ZNF510: variants seen among roughly 807,000 people sequenced by gnomAD.
ZNF510 encodes zinc finger protein 510.
ZNF510 carries 15 observed loss-of-function variants against 18.1 expected under a neutral mutation model. The ratio of observed to expected loss-of-function variants is 0.83; its 90% CI spans 0.55 to 1.28. The LOEUF (loss-of-function observed/expected upper bound fraction) is 1.28, where lower values mean the gene tolerates loss of function less well. ZNF510 is among the 50% of genes most tolerant of loss of function. ZNF510 has a pLI of 0.00. For missense variants in ZNF510, 724 were observed against 791.8 expected (o/e 0.91, Z 1.03); for synonymous variants, 261 against 266.4 (o/e 0.98, Z 0.20).
intron 2 of ZNF510, among the ~76,000 whole-genome samples, chr9:96,775,573 C>T (rs1448861481): frequency 1.3e-5 from 2 of 152,154 alleles, no homozygotes; most frequent in South Asian, 2.1e-4. Flanking sequence ...AAAAGACTTT[C>T]GATAAGACAC....
At chr9:96,770,764 C>T (rs1463289711) in intron 3 of ZNF510, among the ~76,000 whole-genome samples, 2 of 135,786 alleles carry the variant, frequency 1.5e-5, no homozygotes, top group African/African-American at 7.6e-5. Context: ...GGGATGATAG[C>T]TAAATGATAT....
Position 96,760,983 on chromosome 9 carries a change from T to C in ZNF510, c.353-506A>G, listed in dbSNP as rs146549088. ...GGTTAGAATAGTCTATTGTCTACATTCTTACAATTTGATATCCCTCATCAA... is the reference window on the plus strand; with the variant it reads ...GGTTAGAATAGTCTATTGTCTACATCCTTACAATTTGATATCCCTCATCAA... On this transcript the variant is annotated intron_variant, in intron 5 of 5. Transcript: ENST00000223428. Among the ~76,000 whole-genome samples, 780 of 152,252 alleles carry C rather than the reference T, an allele frequency of 5.1e-3. 8 individuals carry two copies. Among genetic ancestry groups the C allele is most frequent in the African/African-American group, 0.018 (731 of 41,556 alleles).
In ZNF510 at chr9:96,758,222, ACTT is replaced by A. The variant is rs1849242423; in HGVS notation, c.*553_*555del. 1 of 152,278 alleles carries A rather than the reference ACTT, an allele frequency of 6.6e-6. No individual in the cohort carries two copies. The highest frequency in any genetic ancestry group is 2.4e-5 in the African/African-American group (1 of 41,452). 9.4% of individuals were successfully genotyped at this position (152,278 alleles called of 1,614,324 possible). A position where few individuals can be genotyped will look rare whatever the true frequency, so the allele number is the denominator to read the frequency against. ...GCTGCGTGTATTCATTCAGGCACAG[ACTT>A]CTTTATCTTGTACCATGCCACATTA... On this transcript the variant is annotated 3_prime_UTR_variant, in exon 6 of 6. Coordinates refer to ENST00000223428, the MANE Select transcript of ZNF510 (RefSeq NM_014930.3).
In ZNF510 at chr9:96,757,343, C is replaced by G. The variant is rs1270747226; in HGVS notation, c.*1435G>C. The G allele has an allele frequency of 6.6e-6, 1 of 152,200 alleles. No homozygotes were observed. The highest frequency in any genetic ancestry group is 6.5e-5 in the Admixed American group (1 of 15,274). The allele number at this position is 152,200 out of a possible 1,614,324, so 9.4% of individuals were successfully genotyped here. On this transcript the variant is annotated 3_prime_UTR_variant, in exon 6 of 6. Transcript: ENST00000223428. ...AACTGCACAGTGGCTGCTCACCATTCAGCCAAAAGACTTTTAGGTTCATGC... is the reference window on the plus strand; with the variant it reads ...AACTGCACAGTGGCTGCTCACCATTGAGCCAAAAGACTTTTAGGTTCATGC...
At chr9:96,776,355 A>G in intron 1 of ZNF510, 110 bp from the exon 2 acceptor site, 1 of 376,138 alleles carries the variant, frequency 2.7e-6, no homozygotes. Context: ...ACGTCAGCAC[A>G]ACTTCCATTT....
intron 3 of ZNF510, among the ~76,000 whole-genome samples, chr9:96,767,092 C>CT (rs1345414769): frequency 2.0e-5 from 3 of 152,144 alleles, no homozygotes; most frequent in African/African-American, 7.2e-5. Flanking sequence ...CTTTGGGAGG[C>CT]TGAGGCAGGC....
In ZNF510 at chr9:96,769,177, G is replaced by A. The variant is rs1217313962; in HGVS notation, c.130-5545C>T. Among the ~76,000 whole-genome samples the A allele has an allele frequency of 2.0e-5, 3 of 152,140 alleles. No homozygotes were observed. The South Asian group carries it at 6.2e-4, about 32-fold the overall frequency. ...CAGCCAGGTGTGGTGCCTCACACCT[G>A]TAATCCCAGCACTTTAGGAGGCTGA... On this transcript the variant is annotated intron_variant, in intron 3 of 5. Transcript: ENST00000223428.
At chr9:96,766,828 A>G (rs1849484452) in intron 3 of ZNF510, among the ~76,000 whole-genome samples, 1 of 151,300 alleles carries the variant, frequency 6.6e-6, no homozygotes, top group Non-Finnish European at 1.5e-5. Flanking sequence ...GAGAGACGAG[A>G]CAGGCACCTG....
At position 96,758,223 on chromosome 9, in the gene ZNF510, CTTCT is replaced by C. The variant is rs1331339063; in HGVS notation, c.*551_*554del. On this transcript the variant is annotated 3_prime_UTR_variant, in exon 6 of 6. Transcript: ENST00000223428. ...CTGCGTGTATTCATTCAGGCACAGA[CTTCT>C]TTATCTTGTACCATGCCACATTAAA... The C allele has an allele frequency of 1.3e-5, 2 of 152,324 alleles. No individual in the cohort carries two copies. Among genetic ancestry groups the C allele is most frequent in the Non-Finnish European group, 2.9e-5 (2 of 68,118 alleles). The allele number at this position is 152,324 out of a possible 1,614,324, so 9.4% of individuals were successfully genotyped here. A position where few individuals can be genotyped will look rare whatever the true frequency, so the allele number is the denominator to read the frequency against.
intron 5 of ZNF510, among the ~76,000 whole-genome samples, chr9:96,761,994 T>G (rs987762475): frequency 6.6e-6 from 1 of 152,078 alleles, no homozygotes; most frequent in African/African-American, 2.4e-5. Flanking sequence ...TTACCTTGAT[T>G]AGAAAACATC....
At chr9:96,768,538 T>A (rs1221156925) in intron 3 of ZNF510, among the ~76,000 whole-genome samples, 2 of 152,102 alleles carry the variant, frequency 1.3e-5, no homozygotes, top group East Asian at 3.8e-4. Flanking sequence ...CACACAAGAA[T>A]CATTTATCTC....
At chr9:96,767,086 G>C (rs1849489029) in intron 3 of ZNF510, among the ~76,000 whole-genome samples, 1 of 152,236 alleles carries the variant, frequency 6.6e-6, no homozygotes, top group South Asian at 2.1e-4. Flanking sequence ...CCAGCACTTT[G>C]GGAGGCTGAG....
intron 3 of ZNF510, among the ~76,000 whole-genome samples, chr9:96,765,871 A>G (rs146968020): frequency 7.9e-4 from 121 of 152,252 alleles, no homozygotes; most frequent in African/African-American, 2.7e-3. Flanking sequence ...TAGTGTGCCT[A>G]TGTGCAAGAA....
At position 96,776,239 on chromosome 9, in the gene ZNF510, C is replaced by G; in HGVS notation, c.-170G>C. 7.9e-7 allele frequency: 1 copy of G among 1,260,536 alleles called. No individual in the cohort carries two copies. The highest frequency in any genetic ancestry group is 1.0e-6 in the Non-Finnish European group (1 of 968,186). The allele number at this position is 1,260,536 out of a possible 1,614,324, so 78.1% of individuals were successfully genotyped here. A position where few individuals can be genotyped will look rare whatever the true frequency, so the allele number is the denominator to read the frequency against. ...GTGGGACTCCTGTTCCTGGGGCTCC[C>G]TCCTTCCTGCAACATAAAGAGCTGC... On this transcript the variant is annotated 5_prime_UTR_variant, in exon 2 of 6. Coordinates refer to ENST00000223428, the MANE Select transcript of ZNF510 (RefSeq NM_014930.3).
In ZNF510 at chr9:96,760,224, A is replaced by T; in HGVS notation, c.606T>A (p.Gly202=). Residue 202 remains glycine (G), a synonymous_variant, in exon 6 of 6, where the codon GGT becomes GGA. Coordinates refer to ENST00000223428, the MANE Select transcript of ZNF510 (RefSeq NM_014930.3). The part of the protein sequence containing the change: ...NNRNYSTKKI[G]CGNVCENSPF... ...GTGAATTCTCACATACATTACCGCAACCTATTTTCTTTGTTGAATAGTTTC... is the reference window on the plus strand; with the variant it reads ...GTGAATTCTCACATACATTACCGCATCCTATTTTCTTTGTTGAATAGTTTC... 6.2e-7 allele frequency: 1 copy of T among 1,613,010 alleles called. No individual in the cohort carries two copies. The highest frequency in any genetic ancestry group is 1.1e-5 in the South Asian group (1 of 90,736).
At chr9:96,776,738 T>G (rs1849711510) in intron 1 of ZNF510, among the ~76,000 whole-genome samples, 1 of 152,074 alleles carries the variant, frequency 6.6e-6, no homozygotes, top group East Asian at 1.9e-4. Flanking sequence ...TGAGCCAAGA[T>G]CACACCACTG....
intron 5 of ZNF510, among the ~76,000 whole-genome samples, chr9:96,762,205 A>T (rs1032213613): frequency 1.5e-4 from 11 of 71,666 alleles, no homozygotes; most frequent in East Asian, 8.5e-4. Flanking sequence ...TGTGGAAATT[A>T]AAAAAAAAAA....
chr9:96,777,256 A>G (rs77764105), intron 1 of ZNF510, among the ~76,000 whole-genome samples: 1,773 of 152,278 alleles, frequency 0.012, 48 homozygotes, highest in African/African-American at 0.04. Context: ...TGACTTCACA[A>G]TCATTGTCCT....
At chr9:96,777,637 GAC>G (rs1461426886) in intron 1 of ZNF510, 6 of 152,222 alleles carry the variant, frequency 3.9e-5, no homozygotes, top group Non-Finnish European at 8.8e-5. Context: ...ACGCTCAAGT[GAC>G]AGAGCCAAAA....
Sources: allele counts gnomAD v4.1 joint callset (sites outside exome capture counted in the v4.1 genomes callset), GRCh38; gene constraint gnomAD v4.1.1; transcripts MANE v1.5; gene names NCBI Gene and HGNC (gene_info 2026-07-23, HGNC 2026-07-21).